OARD1: variants seen among roughly 807,000 people sequenced by gnomAD.
OARD1 encodes O-acyl-ADP-ribose deacylase 1.
In OARD1, 19 loss-of-function variants were observed where a neutral mutation model predicts 19.7. The ratio of observed to expected loss-of-function variants is 0.96; its 90% CI spans 0.67 to 1.41. The LOEUF is 1.41. OARD1 is among the 40% of genes most tolerant of loss of function. The pLI is 0.00. For missense variants in OARD1, 190 were observed against 183.8 expected, an observed-to-expected ratio of 1.03 and a Z score of -0.20; for synonymous variants, 70 against 61.8, an observed-to-expected ratio of 1.13 and a Z score of -0.62.
chr6:41,065,812 T>C lies in OARD1; in HGVS notation c.*1523A>G, dbSNP rs531510632. 1.3e-5 allele frequency: 2 copies of C among 152,364 alleles called. No individual in the cohort carries two copies. The highest frequency in any genetic ancestry group is 4.1e-4 in the South Asian group (2 of 4,824). The allele number at this position is 152,364 out of a possible 1,614,324, so 9.4% of individuals were successfully genotyped here. ...CCCCTTCTAAAATACAGTTGTTCTT[T>C]TATACTTGGGAAAGCAGCAAGTCCT... On this transcript the variant is annotated 3_prime_UTR_variant, in exon 6 of 6. Coordinates refer to ENST00000424266, the MANE Select transcript of OARD1 (RefSeq NM_001329686.2).
Position 41,088,504 on chromosome 6 carries a change from A to G in OARD1, c.-42+9209T>C, listed in dbSNP as rs199593464. On this transcript the variant is annotated intron_variant, in intron 1 of 4. Transcript: ENST00000480585. ...GACACAGCTGTGTTGGATTCTTTCA[A>G]GGTCCTCTCAAGGCCCTTATCAAGG... Among the ~76,000 whole-genome samples, 125 of 152,138 alleles carry G rather than the reference A, an allele frequency of 8.2e-4. 3 individuals are homozygous for G. In the South Asian group the frequency reaches 0.013, roughly 16 times the overall value.
chr6:41,070,377 A>G (rs7775972), intron 3 of OARD1, among the ~76,000 whole-genome samples: 1 of 152,128 alleles, frequency 6.6e-6, no homozygotes, highest in Non-Finnish European at 1.5e-5. Context: ...CATCTTTTGT[A>G]CCACTACTAC....
intron 1 of OARD1, among the ~76,000 whole-genome samples, chr6:41,092,084 A>T (rs1764212129): frequency 1.3e-5 from 2 of 152,254 alleles, no homozygotes; most frequent in African/African-American, 4.8e-5. Flanking sequence ...AACCAAAAAA[A>T]AAGTGTCATG....
intron 1 of OARD1, 136 bp from the exon 2 acceptor site, chr6:41,071,811 C>T (rs1294198592): frequency 1.7e-6 from 1 of 591,738 alleles, no homozygotes; most frequent in Non-Finnish European, 3.0e-6. Context: ...GCCCCTGGGA[C>T]GTAATACAAA....
chr6:41,067,509 T>C (rs1026143875), intron 5 of OARD1, 72 bp from the exon 6 acceptor site: 57 of 1,009,478 alleles, frequency 5.6e-5, no homozygotes, highest in Non-Finnish European at 8.3e-5. Context: ...TTTTAAGCTA[T>C]ATCCACTCAA....
Position 41,066,375 on chromosome 6 carries a change from C to G in OARD1, c.*960G>C, listed in dbSNP as rs948710222. 1.3e-5 allele frequency: 2 copies of G among 152,096 alleles called. No individual in the cohort carries two copies. The highest frequency in any genetic ancestry group is 4.8e-5 in the African/African-American group (2 of 41,386). The allele number at this position is 152,096 out of a possible 1,614,324, so 9.4% of individuals were successfully genotyped here. On this transcript the variant is annotated 3_prime_UTR_variant, in exon 6 of 6. Transcript: ENST00000424266. ...TCTCAAACTCCTGGGCTCAAGTCAT[C>G]CTCCAGTCTCAGCCTCTCAAAGTGC...
chr6:41,080,367 G>T (rs949858362), intron 1 of OARD1, among the ~76,000 whole-genome samples: 1 of 151,978 alleles, frequency 6.6e-6, no homozygotes, highest in Non-Finnish European at 1.5e-5. Flanking sequence ...AGATGATTTC[G>T]GTTCATAGTG....
chr6:41,070,052 A>C, intron 4 of OARD1, 24 bp downstream of exon 4: 1 of 1,460,866 alleles, frequency 6.8e-7, no homozygotes, highest in Non-Finnish European at 9.6e-7. Flanking sequence ...GCCCTGAAAA[A>C]AAAAGGAATT....
chr6:41,069,019 C>T (rs1763179228), intron 4 of OARD1, 66 bp from the exon 5 acceptor site: 3 of 772,652 alleles, frequency 3.9e-6, no homozygotes, highest in Admixed American at 5.2e-5. Context: ...CATCACATTC[C>T]CCCAACATCC....
intron 1 of OARD1, chr6:41,089,592 C>G: frequency 6.2e-7 from 1 of 1,612,176 alleles, no homozygotes; most frequent in Non-Finnish European, 8.5e-7. Flanking sequence ...CAGTTGGTCC[C>G]ACCTGGACAG....
chr6:41,069,941 A>G (rs1173345484), intron 4 of OARD1, 135 bp downstream of exon 4: 1 of 746,992 alleles, frequency 1.3e-6, no homozygotes, highest in Non-Finnish European at 2.4e-6. Context: ...TAAGATAGGA[A>G]GCTTTTTGAC....
chr6:41,067,440 GA>G lies in OARD1; in HGVS notation c.357-4del, dbSNP rs773862839. ...GACGATCAAGACCACATCCAATCCTGAAAAAGACAAAATATCTCCATTGATG... is the reference window on the plus strand; with the variant it reads ...GACGATCAAGACCACATCCAATCCTGAAAAGACAAAATATCTCCATTGATG... On this transcript the variant is annotated splice_polypyrimidine_tract_variant and splice_region_variant and intron_variant, in intron 5 of 5. Coordinates refer to ENST00000424266, the MANE Select transcript of OARD1 (RefSeq NM_001329686.2). 1 of 1,601,636 alleles carries G rather than the reference GA, an allele frequency of 6.2e-7. No individual in the cohort carries two copies.
chr6:41,081,036 C>T (rs1763890845), intron 1 of OARD1: 2 of 600,600 alleles, frequency 3.3e-6, no homozygotes, highest in Admixed American at 2.8e-5. Context: ...GTCTTTGAGG[C>T]TTATAAGATG....
At chr6:41,078,520 G>T (rs1048504431) in intron 1 of OARD1, among the ~76,000 whole-genome samples, 3 of 152,104 alleles carry the variant, frequency 2.0e-5, no homozygotes, top group African/African-American at 7.2e-5. Flanking sequence ...TTTATTAAAG[G>T]TTCTCAGATA....
At chr6:41,075,115 G>A (rs1159290816), upstream of OARD1, among the ~76,000 whole-genome samples, 1 of 152,164 alleles carries the variant, frequency 6.6e-6, no homozygotes, top group East Asian at 1.9e-4. Flanking sequence ...TGATTGTCAC[G>A]TTATCCGCAT....
At chr6:41,080,748 T>C in intron 1 of OARD1, 1 of 1,363,220 alleles carries the variant, frequency 7.3e-7, no homozygotes, top group Non-Finnish European at 1.0e-6. Context: ...TAAGGTGATC[T>C]GTGTCTTGAA....
chr6:41,093,228 A>G, intron 1 of OARD1: 1 of 701,796 alleles, frequency 1.4e-6, no homozygotes, highest in Non-Finnish European at 2.2e-6. Flanking sequence ...AAGAGTTAGC[A>G]TTTGTTATTA....
rs1156971693 is a variant in OARD1, at chr6:41,069,153, G to A, written c.244-200C>T. The A allele has an allele frequency of 1.7e-5, 7 of 410,054 alleles. No individual in the cohort carries two copies. In the East Asian group the frequency reaches 2.9e-4, roughly 17 times the overall value. 25.4% of individuals were successfully genotyped at this position (410,054 alleles called of 1,614,324 possible). A position where few individuals can be genotyped will look rare whatever the true frequency, so the allele number is the denominator to read the frequency against. ...AGAAAATCCACTAAATAGAGGCTGAGAAACCCAGACTCTGCCACGTAGCAA... is the reference window on the plus strand; with the variant it reads ...AGAAAATCCACTAAATAGAGGCTGAAAAACCCAGACTCTGCCACGTAGCAA... On this transcript the variant is annotated intron_variant, in intron 4 of 5. Transcript: ENST00000424266.
upstream of OARD1, chr6:41,073,231 C>A (rs538049617): frequency 9.9e-5 from 15 of 151,526 alleles, no homozygotes; most frequent in Admixed American, 3.9e-4. Context: ...GGCCAGCGGC[C>A]CCGGCCCGGG....
Sources: gnomAD v4.1 joint callset for allele counts (sites outside exome capture counted in the v4.1 genomes callset) on GRCh38, gnomAD v4.1.1 for gene constraint, MANE v1.5 for transcripts, NCBI Gene and HGNC (gene_info 2026-07-23, HGNC 2026-07-21) for gene names.